Variants in ADIPOR2 observed in about 807,000 individuals in gnomAD.
The protein encoded by ADIPOR2 is adiponectin receptor 2.
Under a neutral mutation model 40.9 loss-of-function variants are expected in ADIPOR2, and 18 were observed. That is an observed-to-expected ratio of 0.44 (90% CI 0.30 to 0.65). ADIPOR2 has a LOEUF of 0.65. Among genes scored for constraint, ADIPOR2 ranks in the 30% least tolerant of loss-of-function variants. The probability of loss-of-function intolerance (pLI) is 0.09; values close to 1 mark genes in which losing one functional copy is unlikely to be tolerated. For synonymous variants in ADIPOR2, 165 were observed against 166.4 expected, an observed-to-expected ratio of 0.99 and a Z score of 0.06; for missense variants, 283 against 479.2, an observed-to-expected ratio of 0.59 and a Z score of 3.82.
intron 1 of ADIPOR2, among the ~76,000 whole-genome samples, chr12:1,698,260 C>T (rs1271572126): frequency 6.6e-6 from 1 of 151,082 alleles, no homozygotes; most frequent in Non-Finnish European, 1.5e-5. Flanking sequence ...ATTTCTGAGA[C>T]AGGGTCTTGC....
At chr12:1,743,699 A>C (rs1025068788) in intron 1 of ADIPOR2, among the ~76,000 whole-genome samples, 5 of 152,182 alleles carry the variant, frequency 3.3e-5, no homozygotes, top group Non-Finnish European at 5.9e-5. Context: ...ATACAACTCA[A>C]ATTTCCAGGT....
At position 1,755,884 on chromosome 12, in the gene ADIPOR2, G is replaced by T. The variant is rs953401974; in HGVS notation, c.171+1370G>T. ...ATAGTAAGTAATACACATTTAAATT[G>T]TTTTAGTTTTATATAGTTATGTATA... On this transcript the variant is annotated intron_variant, in intron 2 of 7. Coordinates refer to ENST00000357103, the MANE Select transcript of ADIPOR2 (RefSeq NM_024551.3). Among the ~76,000 whole-genome samples, 5 of 152,012 alleles carry T rather than the reference G, an allele frequency of 3.3e-5. No individual in the cohort carries two copies. In the East Asian group the frequency reaches 7.7e-4, roughly 23 times the overall value.
chr12:1,713,340 C>T (rs145565057), intron 1 of ADIPOR2, among the ~76,000 whole-genome samples: 1 of 152,042 alleles, frequency 6.6e-6, no homozygotes, highest in Non-Finnish European at 1.5e-5. Context: ...GCACTAGTCT[C>T]CACTGACTGG....
At chr12:1,708,812 C>G (rs1028382816) in intron 1 of ADIPOR2, among the ~76,000 whole-genome samples, 1 of 151,974 alleles carries the variant, frequency 6.6e-6, no homozygotes, top group Non-Finnish European at 1.5e-5. Flanking sequence ...ATCCGCCTCC[C>G]AGGTTCAAGT....
At chr12:1,776,827 G>A (rs1309655773) in intron 3 of ADIPOR2, among the ~76,000 whole-genome samples, 4 of 152,242 alleles carry the variant, frequency 2.6e-5, no homozygotes, top group Non-Finnish European at 5.9e-5. Flanking sequence ...GGATAGTCAT[G>A]TACTGGCTTT....
rs774822754 is a variant in ADIPOR2 at position 1,786,069 on chromosome 12, G to C, written c.1158G>C (p.Leu386=). Residue 386 remains leucine, a synonymous_variant, in exon 8 of 8, where the codon CTG becomes CTC. Transcript: ENST00000357103. ...GGGGCTGCAGTGAAGAGGATGCACT[G>C]TGATACCTACCAGTCTCCAGGGACT... ...IGGGCSEEDA[L] The C allele has an allele frequency of 6.2e-7, 1 of 1,613,652 alleles. No individual in the cohort carries two copies. The highest frequency in any genetic ancestry group is 8.5e-7 in the Non-Finnish European group (1 of 1,179,950).
At chr12:1,724,010 C>G (rs1452030046) in intron 1 of ADIPOR2, among the ~76,000 whole-genome samples, 1 of 150,952 alleles carries the variant, frequency 6.6e-6, no homozygotes, top group Non-Finnish European at 1.5e-5. Flanking sequence ...GAGACAGAGT[C>G]TTGCACTGTT....
rs929872551 is a variant in ADIPOR2 at position 1,787,706 on chromosome 12, G to C, written c.*1634G>C. 2.0e-5 allele frequency: 3 copies of C among 152,232 alleles called. No individual in the cohort carries two copies. The highest frequency in any genetic ancestry group is 7.2e-5 in the African/African-American group (3 of 41,450). The allele number at this position is 152,232 out of a possible 1,614,324, so 9.4% of individuals were successfully genotyped here. On this transcript the variant is annotated 3_prime_UTR_variant, in exon 8 of 8. Transcript: ENST00000357103. ...ACTAAATATGGAGGTCCTGAGCATG[G>C]GGACTGGCGTCCTCAGTAGGTGTTT...
chr12:1,769,051 G>A (rs190748483), intron 2 of ADIPOR2, among the ~76,000 whole-genome samples: 1 of 152,358 alleles, frequency 6.6e-6, no homozygotes, highest in Non-Finnish European at 1.5e-5. Context: ...TAGCATGTAT[G>A]TGATCATTGA....
rs377544832 is a variant in ADIPOR2, at chr12:1,727,776, T to C, written c.-86-26482T>C. Among the ~76,000 whole-genome samples the C allele has an allele frequency of 3.9e-5, 6 of 151,976 alleles. No individual in the cohort carries two copies. The East Asian group carries it at 5.8e-4, about 15-fold the overall frequency. ...AGGGCAACTTCTGAACTCACCACTT[T>C]CCTGGAAAGACCCCCAACATCTTCG... On this transcript the variant is annotated intron_variant, in intron 1 of 7. Coordinates refer to ENST00000357103, the MANE Select transcript of ADIPOR2 (RefSeq NM_024551.3).
chr12:1,727,926 CAT>C (rs944120134), intron 1 of ADIPOR2, among the ~76,000 whole-genome samples: 34 of 151,718 alleles, frequency 2.2e-4, no homozygotes, highest in South Asian at 4.2e-4. Context: ...ATTGAAAACT[CAT>C]GTGTATTTTC....
chr12:1,780,403 T>C (rs2154444411), intron 4 of ADIPOR2, 48 bp from the exon 5 acceptor site: 1 of 1,481,030 alleles, frequency 6.8e-7, no homozygotes, highest in Non-Finnish European at 9.0e-7. Flanking sequence ...TAATACTGTC[T>C]CTTCTAAAGG....
chr12:1,728,410 C>G (rs2094712357), intron 1 of ADIPOR2, among the ~76,000 whole-genome samples: 1 of 151,822 alleles, frequency 6.6e-6, no homozygotes. Flanking sequence ...CACCTGGCCT[C>G]ATGCAGAGCT....
In ADIPOR2 at chr12:1,754,436, A is replaced by T; in HGVS notation, c.93A>T (p.Arg31=). The change falls in exon 2 of 8, where the codon CGA becomes CGT. Residue 31 remains arginine (R), a synonymous_variant. Coordinates refer to ENST00000357103, the MANE Select transcript of ADIPOR2 (RefSeq NM_024551.3). The part of the protein sequence containing the change: ...LRKGHQLDGT[R]RGDNDSHQGD... ...AAGGGCACCAACTGGATGGTACACG[A>T]AGAGGTGATAATGACAGCCACCAAG... is the stretch of plus-strand genomic sequence containing the variant. The T allele has an allele frequency of 6.2e-7, 1 of 1,613,848 alleles. No individual in the cohort carries two copies. The highest frequency in any genetic ancestry group is 8.5e-7 in the Non-Finnish European group (1 of 1,179,878).
chr12:1,731,291 C>T (rs144050497), intron 1 of ADIPOR2, among the ~76,000 whole-genome samples: 41 of 152,292 alleles, frequency 2.7e-4, no homozygotes, highest in African/African-American at 9.4e-4. Flanking sequence ...CCGCTTCAGC[C>T]TCCCAAAGTT....
At chr12:1,729,864 T>A (rs1334873836) in intron 1 of ADIPOR2, among the ~76,000 whole-genome samples, 1 of 152,088 alleles carries the variant, frequency 6.6e-6, no homozygotes, top group Non-Finnish European at 1.5e-5. Context: ...AGCACAAAAC[T>A]TGGCACATAG....
chr12:1,760,576 A>C (rs1036925371), intron 2 of ADIPOR2, among the ~76,000 whole-genome samples: 3 of 152,192 alleles, frequency 2.0e-5, no homozygotes, highest in African/African-American at 7.2e-5. Flanking sequence ...AGTGTAAGGC[A>C]TGTGGTGTTT....
At chr12:1,765,969 G>C (rs1041934676) in intron 2 of ADIPOR2, among the ~76,000 whole-genome samples, 2 of 152,144 alleles carry the variant, frequency 1.3e-5, no homozygotes, top group Admixed American at 1.3e-4. Flanking sequence ...CAGTCATTTA[G>C]TTTAGTAGAC....
chr12:1,758,077 T>G (rs1862182443), intron 2 of ADIPOR2: 2 of 588,064 alleles, frequency 3.4e-6, no homozygotes, highest in East Asian at 5.9e-5. Flanking sequence ...CCAATCACTT[T>G]TGTGTCAGAT....
Sources: gnomAD v4.1 joint callset for allele counts (sites outside exome capture counted in the v4.1 genomes callset) on GRCh38, gnomAD v4.1.1 for gene constraint, MANE v1.5 for transcripts, NCBI Gene and HGNC (gene_info 2026-07-23, HGNC 2026-07-21) for gene names.